The following CCDC170 variants were observed in gnomAD, a reference collection of about 807,000 sequenced individuals.
CCDC170 encodes the protein coiled-coil domain-containing protein 170.
Under a neutral mutation model 72.6 loss-of-function variants are expected in CCDC170, and 69 were observed. That is an observed-to-expected ratio of 0.95 (90% CI 0.78 to 1.16). The LOEUF is 1.16. CCDC170 is among the 50% of genes most tolerant of loss of function. CCDC170 has a pLI of 0.00. For missense variants in CCDC170, 852 were observed against 832.5 expected (o/e 1.02, Z -0.29); for synonymous variants, 300 against 303.9 (o/e 0.99, Z 0.13).
At chr6:151,586,824 G>A (rs1349068358) in intron 7 of CCDC170, among the ~76,000 whole-genome samples, 1 of 151,868 alleles carries the variant, frequency 6.6e-6, no homozygotes, top group Non-Finnish European at 1.5e-5. Context: ...TCGCTCTGTT[G>A]CCCAGGCTGG....
intron 4 of CCDC170, among the ~76,000 whole-genome samples, chr6:151,546,406 ACAATCT>A (rs1424540909): frequency 6.6e-6 from 1 of 152,198 alleles, no homozygotes; most frequent in Non-Finnish European, 1.5e-5. Context: ...TCTATCGGAC[ACAATCT>A]CCAGGTGCTA....
At chr6:151,530,146 G>C (rs942926052) in intron 1 of CCDC170, among the ~76,000 whole-genome samples, 2 of 151,552 alleles carry the variant, frequency 1.3e-5, no homozygotes, top group African/African-American at 4.9e-5. Flanking sequence ...TTTTATTTTT[G>C]AACTCTAGTT....
rs937111772 is a variant in CCDC170, at chr6:151,494,125, C to A, written c.-4C>A. On this transcript the variant is annotated 5_prime_UTR_variant, in exon 1 of 11. Transcript: ENST00000239374. Reference sequence around the variant, plus strand: ...TCCGAGCGCGCCCCCGGGCTCGGGTCGTCATGAGCCTGGACTGCACCAGCC... The same window carrying A: ...TCCGAGCGCGCCCCCGGGCTCGGGTAGTCATGAGCCTGGACTGCACCAGCC... 3.3e-6 allele frequency: 5 copies of A among 1,499,734 alleles called. No individual in the cohort carries two copies. The highest frequency in any genetic ancestry group is 2.3e-5 in the Admixed American group (1 of 44,356). The allele number at this position is 1,499,734 out of a possible 1,614,324, so 92.9% of individuals were successfully genotyped here.
chr6:151,592,452 C>T (rs945875163), intron 7 of CCDC170, among the ~76,000 whole-genome samples: 2 of 152,116 alleles, frequency 1.3e-5, no homozygotes, highest in Admixed American at 6.5e-5. Context: ...ACTCACAGTT[C>T]CACGTGGCTT....
chr6:151,517,645 T>C (rs1350602738), intron 1 of CCDC170, among the ~76,000 whole-genome samples: 1 of 151,946 alleles, frequency 6.6e-6, no homozygotes, highest in East Asian at 1.9e-4. Context: ...GGTTTCACCA[T>C]GTTGGTCAGG....
intron 5 of CCDC170, among the ~76,000 whole-genome samples, chr6:151,556,887 C>T (rs1377371052): frequency 6.6e-6 from 1 of 152,174 alleles, no homozygotes; most frequent in African/African-American, 2.4e-5. Flanking sequence ...CTCCTCCCAC[C>T]CACTTACCCT....
At chr6:151,565,527 C>A (rs1424808412) in intron 5 of CCDC170, among the ~76,000 whole-genome samples, 2 of 152,210 alleles carry the variant, frequency 1.3e-5, no homozygotes, top group Non-Finnish European at 2.9e-5. Flanking sequence ...CCCTTCCTTG[C>A]CCTAGGTGTT....
At chr6:151,504,731 G>C (rs1000115317) in intron 1 of CCDC170, among the ~76,000 whole-genome samples, 5 of 152,042 alleles carry the variant, frequency 3.3e-5, no homozygotes, top group Admixed American at 2.0e-4. Flanking sequence ...GCAAATGATG[G>C]TCACTAGACG....
At chr6:151,575,728 C>T (rs1776292953) in intron 6 of CCDC170, among the ~76,000 whole-genome samples, 2 of 151,698 alleles carry the variant, frequency 1.3e-5, no homozygotes, top group South Asian at 4.2e-4. Context: ...CGGGGTTTCA[C>T]CATGTTGGCC....
Position 151,538,159 on chromosome 6 carries a change from T to G in CCDC170, c.301T>G (p.Leu101Val). Residue 101 changes from leucine (L) to valine (V), a missense_variant, in exon 3 of 11, where the codon TTG becomes GTG. Coordinates refer to ENST00000239374, the MANE Select transcript of CCDC170 (RefSeq NM_025059.4). ...NARKSSLLTSLRDRVQELEEE... is the reference protein window; with the variant it reads ...NARKSSLLTSVRDRVQELEEE... ...CAGAAAATCATCTCTCCTTACCTCT[T>G]TGAGAGACAGAGTTCAGGAACTAGA... 1 of 1,614,008 alleles carries G rather than the reference T, an allele frequency of 6.2e-7. No homozygotes were observed. Among genetic ancestry groups the G allele is most frequent in the Non-Finnish European group, 8.5e-7 (1 of 1,179,938 alleles).
chr6:151,549,559 T>C (rs1782843207), intron 5 of CCDC170, among the ~76,000 whole-genome samples: 1 of 152,100 alleles, frequency 6.6e-6, no homozygotes, highest in Non-Finnish European at 1.5e-5. Flanking sequence ...CCAGTTCTCT[T>C]CAGAGGCAAC....
intron 9 of CCDC170, among the ~76,000 whole-genome samples, chr6:151,608,639 G>A (rs1245148273): frequency 6.6e-6 from 1 of 152,198 alleles, no homozygotes; most frequent in Non-Finnish European, 1.5e-5. Context: ...GGAGGCTGTG[G>A]TGTGGCTTTG....
intron 5 of CCDC170, among the ~76,000 whole-genome samples, chr6:151,557,616 T>C (rs1475545149): frequency 6.6e-6 from 1 of 152,172 alleles, no homozygotes; most frequent in Non-Finnish European, 1.5e-5. Flanking sequence ...ATCTCCATAC[T>C]GTGTTCCATA....
At chr6:151,581,836 G>A (rs1328992325) in intron 6 of CCDC170, among the ~76,000 whole-genome samples, 4 of 152,272 alleles carry the variant, frequency 2.6e-5, no homozygotes, top group Admixed American at 6.5e-5. Context: ...ATCAGAGTTC[G>A]TGGGTGACCA....
chr6:151,597,729 T>C (rs1009884530), intron 9 of CCDC170, among the ~76,000 whole-genome samples: 2 of 152,206 alleles, frequency 1.3e-5, no homozygotes. Context: ...CTTACAAGAA[T>C]TTAATCAAAA....
At chr6:151,583,252 C>T (rs941384482) in intron 6 of CCDC170, among the ~76,000 whole-genome samples, 10 of 151,818 alleles carry the variant, frequency 6.6e-5, no homozygotes, top group African/African-American at 2.2e-4. Flanking sequence ...CTTGGCCTCC[C>T]AAAGTGCTGG....
At chr6:151,597,645 C>T (rs1199987225) in intron 9 of CCDC170, among the ~76,000 whole-genome samples, 2 of 152,152 alleles carry the variant, frequency 1.3e-5, no homozygotes, top group Non-Finnish European at 2.9e-5. Context: ...GAGAAGGTCA[C>T]CAGAACTGGG....
chr6:151,538,053 C>T lies in CCDC170; in HGVS notation c.195C>T (p.Asp65=). The change falls in exon 3 of 11, where the codon GAC becomes GAT. Residue 65 remains aspartate (D), a synonymous_variant. Transcript: ENST00000239374. ...CTTCTTTTCCATGTTAGCTTCAAGACCTCCGATCCAAGATGCTTTCTAAAG... is the reference window on the plus strand; with the variant it reads ...CTTCTTTTCCATGTTAGCTTCAAGATCTCCGATCCAAGATGCTTTCTAAAG... ...KFECAQSELQ[D]LRSKMLSKEV... 1.2e-6 allele frequency: 2 copies of T among 1,607,560 alleles called. No homozygotes were observed. The highest frequency in any genetic ancestry group is 1.7e-6 in the Non-Finnish European group (2 of 1,177,550).
intron 1 of CCDC170, among the ~76,000 whole-genome samples, chr6:151,523,663 G>A (rs1163271177): frequency 6.7e-6 from 1 of 150,300 alleles, no homozygotes; most frequent in East Asian, 2.0e-4. Flanking sequence ...TACAGCCTGG[G>A]TGACAGAGTA....
Sources: gnomAD v4.1 joint callset for allele counts (sites outside exome capture counted in the v4.1 genomes callset) on GRCh38, gnomAD v4.1.1 for gene constraint, MANE v1.5 for transcripts, NCBI Gene and HGNC (gene_info 2026-07-23, HGNC 2026-07-21) for gene names.